Variants in GRP observed in about 807,000 individuals in gnomAD.
GRP encodes the protein gastrin-releasing peptide.
GRP carries 11 observed loss-of-function variants against 12.7 expected under a neutral mutation model. That is an observed-to-expected ratio of 0.87 (90% CI 0.55 to 1.44). The LOEUF (loss-of-function observed/expected upper bound fraction) is 1.44, where lower values mean the gene tolerates loss of function less well. GRP is among the 40% of genes most tolerant of loss of function. The pLI is 0.00. For synonymous variants in GRP, 84 were observed against 77.7 expected (o/e 1.08, Z -0.43); for missense variants, 212 against 185.4 (o/e 1.14, Z -0.83).
intron 2 of GRP, among the ~76,000 whole-genome samples, chr18:59,227,287 A>C (rs1171490000): frequency 1.3e-5 from 2 of 152,048 alleles, no homozygotes; most frequent in South Asian, 4.1e-4. Flanking sequence ...AAAAACAAAA[A>C]CCAAAAACAA....
At chr18:59,227,053 C>CTTTCTTTCTTTCTTTCTTTCT (rs869258422) in intron 2 of GRP, among the ~76,000 whole-genome samples, 2 of 104,880 alleles carry the variant, frequency 1.9e-5, no homozygotes, top group African/African-American at 7.7e-5. Context: ...TTCTTTCTTT[C>CTTTCTTTCTTTCTTTCTTTCT]TTCCTTTCTT....
At position 59,225,561 on chromosome 18, in the gene GRP, A is replaced by G; in HGVS notation, c.209A>G (p.Gln70Arg). ...TCTGAGAGAGGGAGCCTGAAGCAGC[A>G]GCTGAGAGAGTACATCAGGTGGGAA... ...SVSERGSLKQ[Q>R]LREYIRWEEA... Residue 70 changes from glutamine (Q) to arginine (R), a missense_variant, in exon 2 of 3, where the codon CAG becomes CGG. Physicochemically the swap from Gln to Arg is conservative, Grantham distance 43. Transcript: ENST00000256857. 1.2e-6 allele frequency: 2 copies of G among 1,613,996 alleles called. No homozygotes were observed. Among genetic ancestry groups the G allele is most frequent in the Non-Finnish European group, 1.7e-6 (2 of 1,179,860 alleles).
chr18:59,227,053 C>CTTTCT (rs869258422), intron 2 of GRP, among the ~76,000 whole-genome samples: 105 of 104,934 alleles, frequency 1.0e-3, no homozygotes, highest in African/African-American at 3.8e-3. Context: ...TTCTTTCTTT[C>CTTTCT]TTCCTTTCTT....
intron 2 of GRP, among the ~76,000 whole-genome samples, chr18:59,225,982 A>G (rs908956465): frequency 6.6e-6 from 1 of 151,814 alleles, no homozygotes; most frequent in Non-Finnish European, 1.5e-5. Flanking sequence ...TCTATTTGCC[A>G]TTACGCATTG....
rs760680754 is a variant in GRP at position 59,220,270 on chromosome 18, G to A, written c.5G>A (p.Arg2His). M[R>H]GRELPLVLLA... ...CAAGGGCTTCCCGTCGGGACCATGC[G>A]CGGCCGTGAGCTCCCGCTGGTCCTG... The change falls in exon 1 of 3, where the codon CGC becomes CAC. Residue 2 changes from arginine (R) to histidine (H), a missense_variant. Physicochemically the swap from Arg to His is conservative, Grantham distance 29 (BLOSUM62 0). Transcript: ENST00000256857. The A allele has an allele frequency of 2.9e-5, 44 of 1,503,404 alleles. No homozygotes were observed. The highest frequency in any genetic ancestry group is 3.7e-5 in the Non-Finnish European group (42 of 1,131,046). The allele number at this position is 1,503,404 out of a possible 1,614,324, so 93.1% of individuals were successfully genotyped here. A position where few individuals can be genotyped will look rare whatever the true frequency, so the allele number is the denominator to read the frequency against.
At chr18:59,224,075 C>G (rs183636444) in intron 1 of GRP, among the ~76,000 whole-genome samples, 603 of 152,216 alleles carry the variant, frequency 4.0e-3, no homozygotes, top group Middle Eastern at 0.027. Flanking sequence ...CATTAGAAAG[C>G]CTTTTGTAGA....
intron 2 of GRP, among the ~76,000 whole-genome samples, chr18:59,227,620 G>C (rs2069964548): frequency 6.6e-6 from 1 of 152,148 alleles, no homozygotes; most frequent in East Asian, 1.9e-4. Flanking sequence ...AACTGGACTT[G>C]CCCTCATAGC....
At chr18:59,230,347 T>C (rs1268989745) in intron 2 of GRP, 57 bp from the exon 3 acceptor site, 31 of 960,450 alleles carry the variant, frequency 3.2e-5, no homozygotes, top group Non-Finnish European at 5.1e-5. Context: ...TGGATTTACT[T>C]CTAGGATTAG....
chr18:59,227,041 CTTT>C (rs2069948693), intron 2 of GRP, among the ~76,000 whole-genome samples: 4 of 127,466 alleles, frequency 3.1e-5, no homozygotes, highest in African/African-American at 9.4e-5. Context: ...TTCTTTCTTT[CTTT>C]CTTTCTTTCT....
In GRP at chr18:59,225,644, C is replaced by T. The variant is rs766578272; in HGVS notation, c.292C>T (p.Pro98Ser). ...IEAKENRNHQ[P>S]PQPKALGNQQ... Reference sequence around the variant, plus strand: ...AGCAAAGGAGAACAGAAACCACCAGCCACCTCAACCCAAGGCCCTGGGCAA... The same window carrying T: ...AGCAAAGGAGAACAGAAACCACCAGTCACCTCAACCCAAGGCCCTGGGCAA... Residue 98 changes from proline (P) to serine (S), a missense_variant, in exon 2 of 3, where the codon CCA (proline) becomes TCA (serine). Transcript: ENST00000256857. 6.2e-7 allele frequency: 1 copy of T among 1,614,064 alleles called. No homozygotes were observed. The highest frequency in any genetic ancestry group is 1.7e-5 in the Admixed American group (1 of 60,008).
chr18:59,222,401 A>G (rs1466404887), intron 1 of GRP, among the ~76,000 whole-genome samples: 1 of 152,198 alleles, frequency 6.6e-6, no homozygotes, highest in East Asian at 1.9e-4. Flanking sequence ...CCATTTTCAT[A>G]TTTATTCTCA....
chr18:59,228,699 A>C (rs2069982171), intron 2 of GRP, among the ~76,000 whole-genome samples: 1 of 152,210 alleles, frequency 6.6e-6, no homozygotes. Context: ...CAAATCTTTT[A>C]ATTCTATTCT....
At chr18:59,219,703 A>G (rs908834069), upstream of GRP, among the ~76,000 whole-genome samples, 8 of 152,110 alleles carry the variant, frequency 5.3e-5, no homozygotes, top group Admixed American at 5.2e-4. Context: ...GGTCTGGAGA[A>G]TCAGAAGGCC....
intron 2 of GRP, among the ~76,000 whole-genome samples, chr18:59,229,530 G>A (rs1194399708): frequency 6.6e-6 from 1 of 152,136 alleles, no homozygotes; most frequent in Non-Finnish European, 1.5e-5. Flanking sequence ...CAGGCCCTGG[G>A]CTCATTAGCC....
At chr18:59,220,132 A>C, upstream of GRP, 2 of 327,442 alleles carry the variant, frequency 6.1e-6, no homozygotes, top group Admixed American at 5.4e-5. Flanking sequence ...GCTTCCATAT[A>C]AAGTAGGGGC....
chr18:59,220,281 C>T lies in GRP; in HGVS notation c.16C>T (p.Leu6Phe), dbSNP rs1277194228. 6.6e-7 allele frequency: 1 copy of T among 1,505,940 alleles called. No individual in the cohort carries two copies. The highest frequency in any genetic ancestry group is 8.8e-7 in the Non-Finnish European group (1 of 1,132,244). The allele number at this position is 1,505,940 out of a possible 1,614,324, so 93.3% of individuals were successfully genotyped here. The change falls in exon 1 of 3, where the codon CTC (leucine) becomes TTC (phenylalanine). Residue 6 changes from leucine to phenylalanine, a missense_variant. Transcript: ENST00000256857. ...CGTCGGGACCATGCGCGGCCGTGAG[C>T]TCCCGCTGGTCCTGCTGGCGCTGGT... MRGRE[L>F]PLVLLALVLC...
intron 1 of GRP, among the ~76,000 whole-genome samples, chr18:59,220,653 A>G (rs971366516): frequency 1.3e-5 from 2 of 152,074 alleles, no homozygotes; most frequent in Admixed American, 1.3e-4. Flanking sequence ...GCTCGCTTCC[A>G]GCCTGTCTTC....
At chr18:59,228,117 T>C (rs1454108650) in intron 2 of GRP, among the ~76,000 whole-genome samples, 1 of 152,258 alleles carries the variant, frequency 6.6e-6, no homozygotes, top group Non-Finnish European at 1.5e-5. Flanking sequence ...ACTATTCTTT[T>C]GGCTATATTT....
At chr18:59,219,770 C>T (rs1185652542), upstream of GRP, among the ~76,000 whole-genome samples, 4 of 152,102 alleles carry the variant, frequency 2.6e-5, no homozygotes, top group Non-Finnish European at 1.5e-5. Flanking sequence ...AGAGCTCACC[C>T]GTCTCCAGCT....
Sources: gnomAD v4.1 joint callset for allele counts (sites outside exome capture counted in the v4.1 genomes callset) on GRCh38, gnomAD v4.1.1 for gene constraint, MANE v1.5 for transcripts, NCBI Gene and HGNC (gene_info 2026-07-23, HGNC 2026-07-21) for gene names.